Variants in CENPM observed in about 807,000 individuals in gnomAD.
The protein encoded by CENPM is interphase centromere complex protein 39.
Under a neutral mutation model 19.6 loss-of-function variants are expected in CENPM, and 14 were observed. The ratio of observed to expected loss-of-function variants is 0.71; its 90% CI spans 0.47 to 1.11. The LOEUF (loss-of-function observed/expected upper bound fraction) is 1.11, where lower values mean the gene tolerates loss of function less well. Among genes scored for constraint, CENPM ranks in the 50% most tolerant of loss-of-function variants. The probability of loss-of-function intolerance (pLI) is 0.00; values close to 1 mark genes in which losing one functional copy is unlikely to be tolerated. For missense variants in CENPM, 239 were observed against 228.4 expected, an observed-to-expected ratio of 1.05 and a Z score of -0.30; for synonymous variants, 114 against 101.5, an observed-to-expected ratio of 1.12 and a Z score of -0.74.
At chr22:41,941,573 G>A (rs969423180) in intron 5 of CENPM, among the ~76,000 whole-genome samples, 23 of 152,222 alleles carry the variant, frequency 1.5e-4, no homozygotes, top group Admixed American at 1.3e-4. Flanking sequence ...GAGATGCTTC[G>A]TGGCAGACAA....
chr22:41,929,013 G>A, the CENPM span, among the ~76,000 whole-genome samples: 1,409 of 152,122 alleles, frequency 9.3e-3, 11 homozygotes, highest in Non-Finnish European at 0.017. Flanking sequence ...CCTGTACATG[G>A]GCCAGCAGCT....
chr22:41,935,865 T>C (rs2077681441), downstream of CENPM, among the ~76,000 whole-genome samples: 1 of 149,858 alleles, frequency 6.7e-6, no homozygotes, highest in African/African-American at 2.4e-5. Flanking sequence ...CCAGTGGAGA[T>C]GCCCAAATCT....
intron 1 of CENPM, 62 bp downstream of exon 1, chr22:41,946,958 A>G: frequency 1.3e-6 from 2 of 1,540,322 alleles, no homozygotes; most frequent in Non-Finnish European, 1.8e-6. Flanking sequence ...CAGTTGACCT[A>G]GTGGCTGAAG....
intron 5 of CENPM, among the ~76,000 whole-genome samples, chr22:41,942,616 T>C (rs1446366575): frequency 6.6e-6 from 1 of 151,760 alleles, no homozygotes; most frequent in Non-Finnish European, 1.5e-5. Flanking sequence ...CTGGGCGTGG[T>C]GGTGGGTGCC....
chr22:41,933,373 G>C, the CENPM span, among the ~76,000 whole-genome samples: 1 of 151,948 alleles, frequency 6.6e-6, no homozygotes, highest in East Asian at 1.9e-4. Flanking sequence ...GGGGGTGGGG[G>C]TGAGGCCCAG....
the CENPM span, among the ~76,000 whole-genome samples, chr22:41,928,767 G>T: frequency 6.7e-6 from 1 of 149,290 alleles, no homozygotes; most frequent in African/African-American, 2.6e-5. This position sits in a 1 kb window ranked among gnomAD's most constrained non-coding sequence, Gnocchi z 4.0. Flanking sequence ...TACAGAACCT[G>T]GGGGTGTCTG....
At chr22:41,942,886 G>A (rs1302060153) in intron 5 of CENPM, among the ~76,000 whole-genome samples, 5 of 152,114 alleles carry the variant, frequency 3.3e-5, no homozygotes, top group African/African-American at 9.7e-5. Flanking sequence ...AGTGAGCCAT[G>A]AGTACACCAC....
rs767537726 is a variant in CENPM, at chr22:41,940,180, T to C, written c.403-984A>G. 2.3e-5 allele frequency: 18 copies of C among 768,112 alleles called. No homozygotes were observed. The Admixed American group carries it at 3.0e-4, about 13-fold the overall frequency. The allele number at this position is 768,112 out of a possible 1,614,324, so 47.6% of individuals were successfully genotyped here. ...AAGTCCCACACTCGGCCCATGCACT[T>C]GCTGTTCCTCCTTCCACGAGGTATC... On this transcript the variant is annotated intron_variant, in intron 5 of 5. Transcript: ENST00000215980.
the CENPM span, chr22:41,928,227 C>T: frequency 2.8e-6 from 1 of 361,806 alleles, no homozygotes; most frequent in South Asian, 2.3e-5. The surrounding 1 kb of genome is among the most constrained non-coding windows in gnomAD (Gnocchi z 4.0). Flanking sequence ...ACACCTGCTC[C>T]TTTTCTCCAG....
downstream of CENPM, among the ~76,000 whole-genome samples, chr22:41,936,198 G>A (rs1254591465): frequency 6.6e-6 from 1 of 152,152 alleles, no homozygotes; most frequent in Non-Finnish European, 1.5e-5. Flanking sequence ...GATTAGGCAG[G>A]CACACAGAAA....
At chr22:41,938,215 C>T (rs557779208), downstream of CENPM, among the ~76,000 whole-genome samples, 17 of 144,012 alleles carry the variant, frequency 1.2e-4, no homozygotes, top group South Asian at 1.8e-3. Context: ...AATCTCGGTT[C>T]AACACCACCT....
At chr22:41,945,526 C>T in intron 3 of CENPM, 2 of 833,872 alleles carry the variant, frequency 2.4e-6, no homozygotes, top group South Asian at 3.9e-5. Context: ...TCTTGGCTCA[C>T]TGCAACCTCT....
the CENPM span, chr22:41,928,218 C>T: frequency 2.7e-6 from 1 of 373,640 alleles, no homozygotes; most frequent in Non-Finnish European, 5.3e-6. This position sits in a 1 kb window ranked among gnomAD's most constrained non-coding sequence, Gnocchi z 4.0. Context: ...AGCCCGCCCA[C>T]ACCTGCTCCT....
chr22:41,927,420 C>T, the CENPM span, among the ~76,000 whole-genome samples: 25 of 152,112 alleles, frequency 1.6e-4, 1 homozygote, highest in Non-Finnish European at 3.4e-4. Context: ...TCCATGACCC[C>T]GAGTGCTCCC....
intron 4 of CENPM, chr22:41,944,088 G>A: frequency 2.0e-6 from 2 of 985,160 alleles, no homozygotes; most frequent in African/African-American, 3.5e-5. Context: ...GAGTTTTGAG[G>A]TATTTGTAGG....
intron 5 of CENPM, 34 bp downstream of exon 5, chr22:41,943,576 G>A (rs2077762501): frequency 1.9e-6 from 3 of 1,583,586 alleles, no homozygotes; most frequent in Non-Finnish European, 2.6e-6. Flanking sequence ...CCGCACCCGA[G>A]TATAGTGTTG....
intron 1 of CENPM, chr22:41,946,718 G>T (rs1270699083): frequency 1.0e-5 from 6 of 593,204 alleles, no homozygotes; most frequent in African/African-American, 9.3e-5. Context: ...CCCGACCCTC[G>T]CTCCCACCGC....
chr22:41,933,835 C>T (rs1028422628), downstream of CENPM, among the ~76,000 whole-genome samples: 14 of 152,314 alleles, frequency 9.2e-5, no homozygotes, highest in Admixed American at 3.3e-4. Flanking sequence ...ACCCCTGATG[C>T]GTGTGGGTTG....
At chr22:41,944,415 G>A (rs1451546382) in intron 4 of CENPM, among the ~76,000 whole-genome samples, 2 of 146,262 alleles carry the variant, frequency 1.4e-5, no homozygotes, top group East Asian at 2.0e-4. Flanking sequence ...CAGCCTGGGC[G>A]GCTGAGCGAG....
Sources: gnomAD v4.1 joint callset for allele counts (sites outside exome capture counted in the v4.1 genomes callset) on GRCh38, gnomAD v4.1.1 for gene constraint, Gnocchi (gnomAD v3.1) non-coding constraint, MANE v1.5 for transcripts, NCBI Gene and HGNC (gene_info 2026-07-23, HGNC 2026-07-21) for gene names.